The following SLC24A3 variants were observed in gnomAD, a reference collection of about 807,000 sequenced individuals.
The protein encoded by SLC24A3 is sodium/potassium/calcium exchanger 3.
Under a neutral mutation model 75.8 loss-of-function variants are expected in SLC24A3, and 28 were observed. That is an observed-to-expected ratio of 0.37 (90% confidence interval 0.27 to 0.51). SLC24A3 has a LOEUF of 0.51. SLC24A3 is among the 20% of genes least tolerant of loss of function. The pLI is 0.94. For missense variants in SLC24A3, 663 were observed against 847.8 expected, an observed-to-expected ratio of 0.78 and a Z score of 2.71; for synonymous variants, 372 against 334.1, an observed-to-expected ratio of 1.11 and a Z score of -1.24.
chr20:19,389,390 A>G (rs1986328801), intron 2 of SLC24A3, among the ~76,000 whole-genome samples: 1 of 152,160 alleles, frequency 6.6e-6, no homozygotes, highest in African/African-American at 2.4e-5. Context: ...AGTATTTCTT[A>G]TAATACAAAT....
At chr20:19,326,633 A>G (rs1304584678) in intron 2 of SLC24A3, among the ~76,000 whole-genome samples, 1 of 139,202 alleles carries the variant, frequency 7.2e-6, no homozygotes, top group Non-Finnish European at 1.5e-5. Context: ...GCTGGTGTGT[A>G]GTGATGCAAT....
chr20:19,407,054 C>G (rs117825564), intron 2 of SLC24A3, among the ~76,000 whole-genome samples: 3,671 of 150,026 alleles, frequency 0.024, 70 homozygotes, highest in Non-Finnish European at 0.036. Context: ...GTAGTTTCTA[C>G]CAATCTGTGA....
intron 2 of SLC24A3, among the ~76,000 whole-genome samples, chr20:19,373,045 A>G (rs939094970): frequency 7.0e-6 from 1 of 141,972 alleles, no homozygotes; most frequent in Non-Finnish European, 1.5e-5. Context: ...AAAGAAAGAA[A>G]TTCTTTAGTT....
chr20:19,657,678 A>G (rs1251627261), intron 7 of SLC24A3, among the ~76,000 whole-genome samples: 1 of 152,222 alleles, frequency 6.6e-6, no homozygotes, highest in Non-Finnish European at 1.5e-5. Context: ...GTCCATGAGG[A>G]GTAAAACAGA....
chr20:19,430,740 G>A (rs1484452896), intron 2 of SLC24A3, among the ~76,000 whole-genome samples: 1 of 151,980 alleles, frequency 6.6e-6, no homozygotes, highest in African/African-American at 2.4e-5. Context: ...CCATGCACAA[G>A]CACAGCTAGG....
chr20:19,367,194 A>C (rs887527390), intron 2 of SLC24A3, among the ~76,000 whole-genome samples: 2 of 152,246 alleles, frequency 1.3e-5, no homozygotes, highest in Non-Finnish European at 2.9e-5. Context: ...GTTGGACAGC[A>C]CAGAAGTGGA....
chr20:19,599,325 A>G (rs1028531628), intron 6 of SLC24A3, among the ~76,000 whole-genome samples: 1 of 152,082 alleles, frequency 6.6e-6, no homozygotes, highest in Non-Finnish European at 1.5e-5. Flanking sequence ...GGCGCCCTAG[A>G]CTGTCTTGCG....
intron 3 of SLC24A3, among the ~76,000 whole-genome samples, chr20:19,556,144 C>G (rs568459307): frequency 6.6e-6 from 1 of 152,140 alleles, no homozygotes; most frequent in South Asian, 2.1e-4. Context: ...ATGACCTAAT[C>G]ACCTCCCAAA....
intron 1 of SLC24A3, among the ~76,000 whole-genome samples, chr20:19,264,545 T>G (rs1349694475): frequency 6.6e-6 from 1 of 151,202 alleles, no homozygotes; most frequent in Non-Finnish European, 1.5e-5. Flanking sequence ...GGCAACACGG[T>G]GAAAACCTGT....
intron 1 of SLC24A3, among the ~76,000 whole-genome samples, chr20:19,244,619 G>A (rs1006908884): frequency 6.6e-6 from 1 of 152,168 alleles, no homozygotes; most frequent in East Asian, 1.9e-4. Flanking sequence ...ATGTGAAGTT[G>A]AAATAGGAAT....
intron 2 of SLC24A3, among the ~76,000 whole-genome samples, chr20:19,340,854 A>T (rs147307049): frequency 6.6e-6 from 1 of 152,244 alleles, no homozygotes; most frequent in Non-Finnish European, 1.5e-5. Context: ...ACAGTTGCAC[A>T]GGGTAATTTG....
intron 2 of SLC24A3, among the ~76,000 whole-genome samples, chr20:19,486,766 C>T (rs1412038029): frequency 6.6e-6 from 1 of 152,198 alleles, no homozygotes; most frequent in Non-Finnish European, 1.5e-5. Flanking sequence ...TGAGGTATGT[C>T]TCATGTTGTG....
intron 2 of SLC24A3, among the ~76,000 whole-genome samples, chr20:19,306,673 G>A (rs1027615576): frequency 8.6e-5 from 13 of 151,968 alleles, no homozygotes; most frequent in African/African-American, 3.1e-4. Flanking sequence ...ACATAAAGAT[G>A]GGAACAATAG....
At chr20:19,412,446 G>A (rs1986759574) in intron 2 of SLC24A3, among the ~76,000 whole-genome samples, 1 of 151,860 alleles carries the variant, frequency 6.6e-6, no homozygotes, top group South Asian at 2.1e-4. Context: ...GAGACAGGGA[G>A]GAAGAAGAGG....
intron 3 of SLC24A3, among the ~76,000 whole-genome samples, chr20:19,541,564 A>G (rs2030498209): frequency 6.6e-6 from 1 of 152,178 alleles, no homozygotes; most frequent in South Asian, 2.1e-4. Flanking sequence ...CTCCGCCCCC[A>G]TCCACTTGGA....
intron 2 of SLC24A3, among the ~76,000 whole-genome samples, chr20:19,372,734 G>A (rs185051596): frequency 1.3e-5 from 2 of 152,216 alleles, no homozygotes; most frequent in East Asian, 3.9e-4. Flanking sequence ...GATGGAGCGG[G>A]AGGAAAGGGT....
chr20:19,578,059 C>T (rs2031166419), intron 3 of SLC24A3, among the ~76,000 whole-genome samples: 2 of 152,132 alleles, frequency 1.3e-5, no homozygotes, highest in East Asian at 1.9e-4. Context: ...CCTGGGGCTA[C>T]GTTAGTGCAA....
At chr20:19,228,574 GGCGGAGCTTGCAGTGAGCTGAGATCAC>G (rs1333268499) in intron 1 of SLC24A3, among the ~76,000 whole-genome samples, 2 of 152,036 alleles carry the variant, frequency 1.3e-5, no homozygotes, top group African/African-American at 4.8e-5. Context: ...GAACCCAGGA[GGCGGAGCTTGCAGTGAGCTGAGATCAC>G]GCCACTGCAC....
chr20:19,470,896 A>G (rs1348993340), intron 2 of SLC24A3, among the ~76,000 whole-genome samples: 2 of 152,348 alleles, frequency 1.3e-5, no homozygotes, highest in African/African-American at 4.8e-5. Context: ...GTGGTAAGTA[A>G]CATAAGGGAG....
Sources: allele counts gnomAD v4.1 joint callset (sites outside exome capture counted in the v4.1 genomes callset), GRCh38; gene constraint gnomAD v4.1.1; transcripts MANE v1.5; gene names NCBI Gene and HGNC (gene_info 2026-07-23, HGNC 2026-07-21).